The following SNPH variants were observed in gnomAD, a reference collection of about 807,000 sequenced individuals.
SNPH encodes the protein syntaphilin.
In SNPH, 10 loss-of-function variants were observed where a neutral mutation model predicts 36.8. The ratio of observed to expected loss-of-function variants is 0.27; its 90% CI spans 0.17 to 0.46. The LOEUF is 0.46. SNPH is among the 20% of genes least tolerant of loss of function. The pLI, the probability that SNPH is intolerant of heterozygous loss-of-function variation, is 1.00. For missense variants in SNPH, 622 were observed against 744.0 expected, an observed-to-expected ratio of 0.84 and a Z score of 1.91; for synonymous variants, 281 against 312.2, an observed-to-expected ratio of 0.90 and a Z score of 1.05.
chr20:1,282,672 A>G (rs1309873526), intron 2 of SNPH, among the ~76,000 whole-genome samples: 1 of 152,220 alleles, frequency 6.6e-6, no homozygotes, highest in Non-Finnish European at 1.5e-5. Context: ...AGCCCATTTT[A>G]GTTCAGTACC....
intron 2 of SNPH, among the ~76,000 whole-genome samples, chr20:1,273,082 T>A (rs2088091432): frequency 1.3e-5 from 2 of 152,186 alleles, no homozygotes; most frequent in South Asian, 4.1e-4. Flanking sequence ...GTAGTTCCTG[T>A]TCTTTGGAAG....
At chr20:1,303,148 C>T (rs1386244922) in intron 6 of SNPH, among the ~76,000 whole-genome samples, 1 of 152,268 alleles carries the variant, frequency 6.6e-6, no homozygotes, top group Non-Finnish European at 1.5e-5. Context: ...TATGGAGTTT[C>T]ATGCCTGTGC....
At chr20:1,299,703 T>C (rs2088481689) in intron 5 of SNPH, among the ~76,000 whole-genome samples, 1 of 152,214 alleles carries the variant, frequency 6.6e-6, no homozygotes, top group African/African-American at 2.4e-5. Flanking sequence ...TTCACGTGTG[T>C]GCTCCCATGT....
chr20:1,285,425 AC>A lies in SNPH; in HGVS notation c.-492-9525del, dbSNP rs2088273812. Among the ~76,000 whole-genome samples the A allele has an allele frequency of 6.6e-6, 1 of 152,220 alleles. No individual in the cohort carries two copies. The highest frequency in any genetic ancestry group is 2.4e-5 in the African/African-American group (1 of 41,450). On this transcript the variant is annotated intron_variant, in intron 2 of 6. Transcript: ENST00000381867. This position sits in a 1 kb window ranked among gnomAD's most constrained non-coding sequence, Gnocchi z 4.9. ...ATAGTATTTCAGATTAAGATTTTGGACAGGGAGAAAGATGTAATATACATGA... is the reference window on the plus strand; with the variant it reads ...ATAGTATTTCAGATTAAGATTTTGGAAGGGAGAAAGATGTAATATACATGA...
rs1277071351 is a variant in SNPH, at chr20:1,296,200, C to G, written c.-40C>G. The G allele has an allele frequency of 6.9e-7, 1 of 1,457,992 alleles. No individual in the cohort carries two copies. The highest frequency in any genetic ancestry group is 9.1e-7 in the Non-Finnish European group (1 of 1,104,296). 90.3% of individuals were successfully genotyped at this position (1,457,992 alleles called of 1,614,324 possible). On this transcript the variant is annotated 5_prime_UTR_variant, in exon 4 of 7. Transcript: ENST00000381867. ...AGGCAGCCGTGGTCTGCCAGGCCCT[C>G]GCTCCTGGGGTGTCCTGCCGAAGGG...
chr20:1,305,766 C>T lies in SNPH; in HGVS notation c.1329C>T (p.Ser443=), dbSNP rs1374034634. 17 of 1,610,386 alleles carry T rather than the reference C, an allele frequency of 1.1e-5. No homozygotes were observed. The highest frequency in any genetic ancestry group is 4.4e-5 in the South Asian group (4 of 90,622). The change falls in exon 7 of 7, where the codon AGC becomes AGT. Residue 443 remains serine, a synonymous_variant. Coordinates refer to ENST00000381867, the MANE Select transcript of SNPH (RefSeq NM_001318234.2). ...ACCCCAACCCTGGCCAGTCGGTGAG[C>T]GTGGTGTGCCCCATGGAAGAGGAGG... ...GANPNPGQSV[S]VVCPMEEEEE... is the part of the protein sequence containing the mutation.
rs2088449386 is a variant in SNPH at position 1,297,213 on chromosome 20, C to G, written c.251C>G (p.Ser84Cys). ...TCTTCGCTCAGCAGCAGCAGCAATT[C>G]TGGCTCCTACAAGGGCAGTGACAGC... ...GTSSLSSSSN[S>C]GSYKGSDSSP... Residue 84 changes from serine (S) to cysteine (C), a missense_variant, in exon 5 of 7, where the codon TCT (serine) becomes TGT (cysteine). By Grantham distance (112) the Ser-to-Cys change is moderately radical. Transcript: ENST00000381867. The G allele has an allele frequency of 4.3e-6, 7 of 1,613,806 alleles. No individual in the cohort carries two copies. In the South Asian group the frequency reaches 7.7e-5, roughly 18 times the overall value.
At chr20:1,302,837 T>C (rs2088520169) in intron 6 of SNPH, among the ~76,000 whole-genome samples, 1 of 152,258 alleles carries the variant, frequency 6.6e-6, no homozygotes, top group African/African-American at 2.4e-5. Flanking sequence ...TCAGCGAGCT[T>C]CATTGTCGGC....
intron 2 of SNPH, among the ~76,000 whole-genome samples, chr20:1,278,212 G>C (rs1485785790): frequency 6.6e-6 from 1 of 151,722 alleles, no homozygotes; most frequent in Non-Finnish European, 1.5e-5. Flanking sequence ...GTGTCTGTGT[G>C]TGTGTTTGTG....
chr20:1,297,172 G>C lies in SNPH; in HGVS notation c.210G>C (p.Arg70=), dbSNP rs369385391. 1.2e-6 allele frequency: 2 copies of C among 1,613,682 alleles called. No homozygotes were observed. The highest frequency in any genetic ancestry group is 2.2e-5 in the South Asian group (2 of 91,024). Residue 70 remains arginine (R), a synonymous_variant, in exon 5 of 7, where the codon CGG becomes CGC. Coordinates refer to ENST00000381867, the MANE Select transcript of SNPH (RefSeq NM_001318234.2). ...GCACCTCTCCACCTGTGAGCGTGCG[G>C]GATGCCTACGGCACCTCTTCGCTCA... is the stretch of plus-strand genomic sequence containing the variant. ...RRRTSPPVSV[R]DAYGTSSLSS... is the part of the protein sequence containing the mutation.
chr20:1,279,384 G>A (rs772537745), intron 2 of SNPH, among the ~76,000 whole-genome samples: 5 of 152,206 alleles, frequency 3.3e-5, no homozygotes, highest in Non-Finnish European at 7.4e-5. Flanking sequence ...ATCAGTTCAA[G>A]TATTTTGCCC....
At chr20:1,277,565 GTCGTGTGTC>G (rs2088149494) in intron 2 of SNPH, among the ~76,000 whole-genome samples, 1 of 135,528 alleles carries the variant, frequency 7.4e-6, no homozygotes, top group African/African-American at 2.8e-5. Flanking sequence ...CTGTGTGTGT[GTCGTGTGTC>G]TGTGTGTGTG....
At chr20:1,271,516 A>G (rs930109703) in intron 2 of SNPH, among the ~76,000 whole-genome samples, 1 of 151,976 alleles carries the variant, frequency 6.6e-6, no homozygotes, top group East Asian at 1.9e-4. Flanking sequence ...AAATTTTTGT[A>G]TTTTTAGTAG....
At chr20:1,278,246 CTGTGTATG>C (rs2122277294) in intron 2 of SNPH, among the ~76,000 whole-genome samples, 1 of 151,420 alleles carries the variant, frequency 6.6e-6, no homozygotes, top group African/African-American at 2.4e-5. Flanking sequence ...GTGTGTGTAT[CTGTGTATG>C]TGTGTCAGTG....
chr20:1,279,615 C>CTTTTTTTTTTTTTTTTTTTT (rs1259483361), intron 2 of SNPH, among the ~76,000 whole-genome samples: 2 of 111,668 alleles, frequency 1.8e-5, no homozygotes, highest in African/African-American at 6.1e-5. Context: ...GAGACTCCGG[C>CTTTTTTTTTTTTTTTTTTTT]TTCTTTTTTT....
intron 2 of SNPH, among the ~76,000 whole-genome samples, chr20:1,287,430 G>A (rs1410238746): frequency 6.6e-6 from 1 of 151,912 alleles, no homozygotes; most frequent in African/African-American, 2.4e-5. Flanking sequence ...TTGCCCTGGT[G>A]AGGGCAAGGG....
In SNPH at chr20:1,285,341, T is replaced by C. The variant is rs1466598546; in HGVS notation, c.-492-9610T>C. Among the ~76,000 whole-genome samples, 1 of 152,180 alleles carries C rather than the reference T, an allele frequency of 6.6e-6. No individual in the cohort carries two copies. The highest frequency in any genetic ancestry group is 1.5e-5 in the Non-Finnish European group (1 of 68,036). ...TTCTTTCCTTTTCTTTTTTTGCAAG[T>C]AGACTTAAGAAAGCATAAAATGAAT... On this transcript the variant is annotated intron_variant, in intron 2 of 6. Coordinates refer to ENST00000381867, the MANE Select transcript of SNPH (RefSeq NM_001318234.2). This position sits in a 1 kb window ranked among gnomAD's most constrained non-coding sequence, Gnocchi z 4.9.
chr20:1,301,596 G>C (rs541224612), intron 6 of SNPH, among the ~76,000 whole-genome samples: 12 of 151,704 alleles, frequency 7.9e-5, no homozygotes, highest in African/African-American at 2.4e-4. Context: ...ATGATTGTTA[G>C]TTTAGTCACA....
At chr20:1,301,023 T>G (rs1302703118) in intron 6 of SNPH, among the ~76,000 whole-genome samples, 1 of 152,228 alleles carries the variant, frequency 6.6e-6, no homozygotes. Flanking sequence ...TTTGGCTGCT[T>G]CTTTTCCTCT....
Sources: allele counts gnomAD v4.1 joint callset (sites outside exome capture counted in the v4.1 genomes callset), GRCh38; gene constraint gnomAD v4.1.1; non-coding constraint Gnocchi (gnomAD v3.1); transcripts MANE v1.5; gene names NCBI Gene and HGNC (gene_info 2026-07-23, HGNC 2026-07-21).